Variants in MSI2 observed in about 807,000 individuals in gnomAD.
MSI2 encodes the protein musashi RNA binding protein 2.
MSI2 carries 17 observed loss-of-function variants against 45.6 expected under a neutral mutation model. The observed-to-expected ratio is 0.37, with a 90% CI of 0.26 to 0.56. MSI2 has a LOEUF of 0.56. MSI2 is among the 20% of genes least tolerant of loss of function. MSI2 has a pLI of 0.77. For synonymous variants in MSI2, 156 were observed against 158.2 expected, an observed-to-expected ratio of 0.99 and a Z score of 0.11; for missense variants, 293 against 444.2, an observed-to-expected ratio of 0.66 and a Z score of 3.06.
rs190787073 is a variant in MSI2, at chr17:57,517,626, G to A, written c.406-12050G>A. 7.4e-4 allele frequency among the ~76,000 whole-genome samples: 113 copies of A among 152,284 alleles called. No homozygotes were observed. The Middle Eastern group carries it at 0.024, about 32-fold the overall frequency. ...TAACTCCTGAGTCTGTGATTCTGAG[G>A]CAAATGGAACTTCCTCTCTCCCTCG... is the stretch of plus-strand genomic sequence containing the variant. On this transcript the variant is annotated intron_variant, in intron 6 of 13. Coordinates refer to ENST00000284073, the MANE Select transcript of MSI2 (RefSeq NM_138962.4).
At chr17:57,361,103 T>C (rs1390866591) in intron 5 of MSI2, among the ~76,000 whole-genome samples, 1 of 152,184 alleles carries the variant, frequency 6.6e-6, no homozygotes, top group African/African-American at 2.4e-5. Context: ...GTTAATATGT[T>C]GTTGACACTT....
chr17:57,440,578 TAAA>T (rs2084782193), intron 6 of MSI2: 2 of 152,182 alleles, frequency 1.3e-5, no homozygotes, highest in Non-Finnish European at 2.9e-5. Flanking sequence ...CTGGTCATCT[TAAA>T]AACGAGCTGG....
At chr17:57,470,128 C>T (rs979941494) in intron 6 of MSI2, among the ~76,000 whole-genome samples, 1 of 152,194 alleles carries the variant, frequency 6.6e-6, no homozygotes, top group Admixed American at 6.5e-5. Flanking sequence ...CAGTTCCCCT[C>T]TTCTAGCCCA....
chr17:57,588,176 C>A (rs1348602681), intron 7 of MSI2, among the ~76,000 whole-genome samples: 3 of 152,118 alleles, frequency 2.0e-5, no homozygotes, highest in African/African-American at 7.2e-5. Context: ...AGACCCCTCG[C>A]ATCCATCGCG....
chr17:57,258,675 C>T (rs776007744), intron 4 of MSI2, among the ~76,000 whole-genome samples: 1 of 152,212 alleles, frequency 6.6e-6, no homozygotes, highest in Non-Finnish European at 1.5e-5. Flanking sequence ...TTTTCTTTGT[C>T]AGCCAAGCAC....
intron 6 of MSI2, among the ~76,000 whole-genome samples, chr17:57,520,389 G>A (rs1280161516): frequency 6.6e-6 from 1 of 152,126 alleles, no homozygotes; most frequent in African/African-American, 2.4e-5. Flanking sequence ...GATAAACATT[G>A]TGCGTTTTTT....
chr17:57,489,241 A>G (rs559837847), intron 6 of MSI2, among the ~76,000 whole-genome samples: 1 of 152,264 alleles, frequency 6.6e-6, no homozygotes, highest in East Asian at 1.9e-4. Context: ...TGAGTTTATG[A>G]AAGATGCAGG....
At chr17:57,299,240 G>C (rs1911234007) in intron 5 of MSI2, among the ~76,000 whole-genome samples, 1 of 152,232 alleles carries the variant, frequency 6.6e-6, no homozygotes, top group Admixed American at 6.5e-5. Context: ...TCAGCAATAA[G>C]GCTGTCTTGC....
At chr17:57,298,117 G>A (rs1218895178) in intron 5 of MSI2, among the ~76,000 whole-genome samples, 1 of 151,556 alleles carries the variant, frequency 6.6e-6, no homozygotes. Context: ...TTTCCAGAAG[G>A]GCTTCCTTTC....
intron 5 of MSI2, among the ~76,000 whole-genome samples, chr17:57,290,673 C>T (rs1327799948): frequency 6.6e-6 from 1 of 152,190 alleles, no homozygotes; most frequent in Non-Finnish European, 1.5e-5. Flanking sequence ...GAAAGTGCTT[C>T]TCAGACTTTA....
intron 8 of MSI2, among the ~76,000 whole-genome samples, chr17:57,615,244 C>T (rs925724198): frequency 1.3e-5 from 2 of 151,606 alleles, no homozygotes; most frequent in Admixed American, 6.6e-5. Context: ...CCCCCTACCT[C>T]AGCCTCCCAG....
At chr17:57,695,580 T>A in the MSI2 span, among the ~76,000 whole-genome samples, 1 of 152,036 alleles carries the variant, frequency 6.6e-6, no homozygotes, top group Admixed American at 6.6e-5. Context: ...CACCGTCTCT[T>A]CTGGATCAGT....
rs147798422 is a variant in MSI2 at position 57,272,748 on chromosome 17, G to A, written c.312+10556G>A. Among the ~76,000 whole-genome samples, 32 of 152,240 alleles carry A rather than the reference G, an allele frequency of 2.1e-4. No homozygotes were observed. In the East Asian group the frequency reaches 3.3e-3, roughly 16 times the overall value. On this transcript the variant is annotated intron_variant, in intron 5 of 13. Coordinates refer to ENST00000284073, the MANE Select transcript of MSI2 (RefSeq NM_138962.4). The stretch of plus-strand genomic sequence containing the variant: ...CGAACTAGTTTCAGAAAGGAAGCTC[G>A]TATTTTCATCCCATTCCTCGCCATG...
chr17:57,685,869 G>A (rs1019629009), downstream of MSI2, among the ~76,000 whole-genome samples: 17 of 152,202 alleles, frequency 1.1e-4, no homozygotes, highest in Admixed American at 8.5e-4. Context: ...ACATGAGGCC[G>A]GCCATCGTGG....
chr17:57,350,671 A>C (rs7226136), intron 5 of MSI2, among the ~76,000 whole-genome samples: 25,209 of 151,910 alleles, frequency 0.17, 4,192 homozygotes, highest in African/African-American at 0.42. Flanking sequence ...AAAGTGCTCA[A>C]CCCCATCTTG....
At chr17:57,369,786 G>A (rs772257303) in intron 5 of MSI2, among the ~76,000 whole-genome samples, 147 of 152,310 alleles carry the variant, frequency 9.7e-4, no homozygotes, top group Non-Finnish European at 1.7e-3. Flanking sequence ...GAGGCACAGA[G>A]AGGTTACCTT....
chr17:57,568,781 G>A (rs574533835), intron 7 of MSI2, among the ~76,000 whole-genome samples: 3 of 152,326 alleles, frequency 2.0e-5, no homozygotes, highest in Admixed American at 6.5e-5. Flanking sequence ...CTGTGGCCTG[G>A]TTATCGTAAT....
At chr17:57,403,540 G>A (rs1221220602) in intron 6 of MSI2, among the ~76,000 whole-genome samples, 5 of 152,196 alleles carry the variant, frequency 3.3e-5, no homozygotes, top group Non-Finnish European at 7.3e-5. Flanking sequence ...GGCAGGATGT[G>A]CAGACTTATC....
intron 7 of MSI2, among the ~76,000 whole-genome samples, chr17:57,589,554 GC>G (rs113063652): frequency 1.3e-5 from 2 of 152,064 alleles, no homozygotes; most frequent in Admixed American, 1.3e-4. Flanking sequence ...GCTGGGGACA[GC>G]CCGAGGTGTG....
Sources: gnomAD v4.1 joint callset for allele counts (sites outside exome capture counted in the v4.1 genomes callset) on GRCh38, gnomAD v4.1.1 for gene constraint, MANE v1.5 for transcripts, NCBI Gene and HGNC (gene_info 2026-07-23, HGNC 2026-07-21) for gene names.